Variants in TTC23 observed in about 807,000 individuals in gnomAD.
TTC23 encodes the protein tetratricopeptide repeat domain 23.
Under a neutral mutation model 55.1 loss-of-function variants are expected in TTC23, and 58 were observed. That is an observed-to-expected ratio of 1.05 (90% CI 0.85 to 1.31). The LOEUF (loss-of-function observed/expected upper bound fraction) is 1.31, where lower values mean the gene tolerates loss of function less well. Among genes scored for constraint, TTC23 ranks in the 50% most tolerant of loss-of-function variants. The pLI is 0.00. For missense variants in TTC23, 516 were observed against 534.4 expected, an observed-to-expected ratio of 0.97 and a Z score of 0.34; for synonymous variants, 203 against 199.9, an observed-to-expected ratio of 1.02 and a Z score of -0.13.
chr15:99,237,957 A>G (rs192318834), intron 3 of TTC23, among the ~76,000 whole-genome samples: 8 of 152,022 alleles, frequency 5.3e-5, no homozygotes, highest in Admixed American at 4.6e-4. Flanking sequence ...CAACTTGTTT[A>G]TTTATTTTTT....
At chr15:99,195,569 TA>T (rs1166224770) in intron 9 of TTC23, among the ~76,000 whole-genome samples, 6 of 152,076 alleles carry the variant, frequency 3.9e-5, no homozygotes, top group Non-Finnish European at 8.8e-5. Context: ...TGCCAGAGTT[TA>T]GGGGGAAGGA....
intron 7 of TTC23, 59 bp downstream of exon 7, chr15:99,218,839 G>C (rs2077677319): frequency 6.3e-7 from 1 of 1,595,052 alleles, no homozygotes; most frequent in Non-Finnish European, 8.5e-7. Flanking sequence ...TTTTTACTTG[G>C]CGTGTAAGTG....
At chr15:99,182,667 G>A (rs2074265557) in intron 9 of TTC23, among the ~76,000 whole-genome samples, 1 of 151,014 alleles carries the variant, frequency 6.6e-6, no homozygotes, top group Non-Finnish European at 1.5e-5. Flanking sequence ...ATACTCATCT[G>A]TATATATGCA....
upstream of TTC23, among the ~76,000 whole-genome samples, chr15:99,250,542 C>G (rs2152113101): frequency 6.6e-6 from 1 of 152,268 alleles, no homozygotes; most frequent in Admixed American, 6.5e-5. Context: ...ATCTTCATTT[C>G]AGAAGGAAAT....
upstream of TTC23, among the ~76,000 whole-genome samples, chr15:99,250,837 C>G (rs1045529265): frequency 1.3e-5 from 2 of 152,174 alleles, no homozygotes; most frequent in African/African-American, 2.4e-5. Flanking sequence ...TCTTTGTTAT[C>G]TACCAGTTCG....
At chr15:99,142,685 A>G (rs2151836462) in intron 12 of TTC23, among the ~76,000 whole-genome samples, 1 of 152,326 alleles carries the variant, frequency 6.6e-6, no homozygotes, top group East Asian at 1.9e-4. Context: ...AGGGAAAGAC[A>G]TACAGCATTG....
At chr15:99,151,350 C>T (rs1241786887) in intron 12 of TTC23, 1 of 152,218 alleles carries the variant, frequency 6.6e-6, no homozygotes, top group Non-Finnish European at 1.5e-5. Context: ...AAGCCAGGCC[C>T]GTCAGTCTTT....
At chr15:99,215,730 G>C (rs922537199) in intron 8 of TTC23, among the ~76,000 whole-genome samples, 4 of 151,844 alleles carry the variant, frequency 2.6e-5, no homozygotes, top group African/African-American at 2.4e-5. Flanking sequence ...CTGGGCAACA[G>C]AGTGAGATCC....
chr15:99,164,835 C>T (rs895896713), intron 10 of TTC23, among the ~76,000 whole-genome samples: 1 of 152,190 alleles, frequency 6.6e-6, no homozygotes, highest in Non-Finnish European at 1.5e-5. Context: ...GATCAAAAAT[C>T]CAATCAGCCC....
At chr15:99,195,232 CAAT>C (rs1318794918) in intron 9 of TTC23, among the ~76,000 whole-genome samples, 1 of 152,076 alleles carries the variant, frequency 6.6e-6, no homozygotes, top group Non-Finnish European at 1.5e-5. Context: ...AAAAACTCAA[CAAT>C]AAGAAAATAA....
intron 3 of TTC23, among the ~76,000 whole-genome samples, chr15:99,235,718 A>C (rs909818177): frequency 2.0e-5 from 3 of 152,186 alleles, no homozygotes; most frequent in Admixed American, 2.0e-4. Flanking sequence ...AAGTAAATTC[A>C]CATTGCTGTA....
chr15:99,215,554 G>A (rs2077409389), intron 8 of TTC23, among the ~76,000 whole-genome samples: 1 of 152,040 alleles, frequency 6.6e-6, no homozygotes, highest in African/African-American at 2.4e-5. Context: ...AGACCAGGCT[G>A]GGCAACATAG....
At chr15:99,226,415 T>G (rs1016100741) in intron 5 of TTC23, among the ~76,000 whole-genome samples, 3 of 152,242 alleles carry the variant, frequency 2.0e-5, no homozygotes, top group South Asian at 2.1e-4. Context: ...AACAAAGCAA[T>G]AAAGCAAATG....
chr15:99,199,990 T>C lies in TTC23; in HGVS notation c.688A>G (p.Ile230Val). 1 of 1,614,050 alleles carries C rather than the reference T, an allele frequency of 6.2e-7. No individual in the cohort carries two copies. Among genetic ancestry groups the C allele is most frequent in the East Asian group, 2.2e-5 (1 of 44,868 alleles). The change falls in exon 9 of 14, where the codon ATA becomes GTA. Residue 230 changes from isoleucine to valine, a missense_variant. Ile to Val is a conservative substitution (Grantham distance 29). Transcript: ENST00000394132. ...TCTACACCTGCTAATTCTCTCAATA[T>C]GGGTACACACTCACGACTTGTTTCA... ...KGETSRECVP[I>V]LRELAGVEQA...
At chr15:99,142,829 A>C (rs1555491143) in intron 12 of TTC23, among the ~76,000 whole-genome samples, 1 of 152,186 alleles carries the variant, frequency 6.6e-6, no homozygotes, top group African/African-American at 2.4e-5. Flanking sequence ...CATTTTCACT[A>C]CTGTGTTCGT....
At chr15:99,185,073 T>C (rs1014694559) in intron 9 of TTC23, among the ~76,000 whole-genome samples, 30 of 152,200 alleles carry the variant, frequency 2.0e-4, no homozygotes, top group African/African-American at 7.0e-4. Flanking sequence ...CATACAAAAC[T>C]GTGAGTCAAT....
At chr15:99,197,292 T>G (rs868728894) in intron 9 of TTC23, among the ~76,000 whole-genome samples, 1 of 151,724 alleles carries the variant, frequency 6.6e-6, no homozygotes, top group Non-Finnish European at 1.5e-5. Context: ...TTAGTAGAGA[T>G]GGGGTTTCAC....
At chr15:99,222,870 G>A (rs951175551) in intron 5 of TTC23, among the ~76,000 whole-genome samples, 3 of 147,762 alleles carry the variant, frequency 2.0e-5, no homozygotes, top group African/African-American at 7.4e-5. Context: ...GGTGGCGGCC[G>A]CCCGTAGTCC....
In TTC23 at chr15:99,215,654, G is replaced by A. The variant is rs1247481585; in HGVS notation, c.581+2934C>T. On this transcript the variant is annotated intron_variant, in intron 8 of 13. Transcript: ENST00000394132. ...CAAGCTACTCAGGAGGCTGAGATGA[G>A]AGGATTGCTTGAGCCCAGGGAGGTT... 7.2e-5 allele frequency among the ~76,000 whole-genome samples: 11 copies of A among 152,132 alleles called. 1 individual carries two copies. The highest frequency in any genetic ancestry group is 4.4e-5 in the Non-Finnish European group (3 of 68,028).
Sources: gnomAD v4.1 joint callset for allele counts (sites outside exome capture counted in the v4.1 genomes callset) on GRCh38, gnomAD v4.1.1 for gene constraint, MANE v1.5 for transcripts, NCBI Gene and HGNC (gene_info 2026-07-23, HGNC 2026-07-21) for gene names.